Variants in STXBP5L observed in about 807,000 individuals in gnomAD.
The protein encoded by STXBP5L is syntaxin-binding protein 5-like.
In STXBP5L, 65 loss-of-function variants were observed where a neutral mutation model predicts 144.5. The ratio of observed to expected loss-of-function variants is 0.45; its 90% CI spans 0.37 to 0.55. The LOEUF is 0.55. Among genes scored for constraint, STXBP5L ranks in the 20% least tolerant of loss-of-function variants. The pLI is 0.00. For synonymous variants in STXBP5L, 505 were observed against 469.6 expected (o/e 1.08, Z -0.97); for missense variants, 1,298 against 1,405.5 (o/e 0.92, Z 1.22).
intron 2 of STXBP5L, among the ~76,000 whole-genome samples, chr3:120,932,567 A>G (rs1412362047): frequency 2.2e-5 from 3 of 137,906 alleles, no homozygotes; most frequent in East Asian, 4.0e-4. Flanking sequence ...CTGTTTATAA[A>G]AGCTATTATA....
intron 10 of STXBP5L, among the ~76,000 whole-genome samples, chr3:121,209,236 G>A (rs1479605874): frequency 6.6e-6 from 1 of 152,020 alleles, no homozygotes; most frequent in Non-Finnish European, 1.5e-5. Flanking sequence ...AAACATACAT[G>A]TGCATGTGTC....
intron 22 of STXBP5L, among the ~76,000 whole-genome samples, chr3:121,400,012 A>G (rs1446333845): frequency 6.6e-6 from 1 of 152,220 alleles, no homozygotes; most frequent in Admixed American, 6.5e-5. Context: ...AAGTTCCCAG[A>G]TGTGCTGAGT....
At chr3:121,106,339 A>G (rs1394012085) in intron 5 of STXBP5L, among the ~76,000 whole-genome samples, 2 of 152,240 alleles carry the variant, frequency 1.3e-5, no homozygotes, top group East Asian at 3.9e-4. Context: ...TGCTGCACCT[A>G]ACAAACCCAT....
chr3:121,202,056 C>T (rs575175123), intron 9 of STXBP5L, among the ~76,000 whole-genome samples: 13 of 152,062 alleles, frequency 8.5e-5, no homozygotes, highest in Non-Finnish European at 1.2e-4. Context: ...GTGCTCTGCT[C>T]TTCTTCTCCT....
chr3:121,356,145 T>C lies in STXBP5L; in HGVS notation c.2177-22571T>C, dbSNP rs147198599. 4.2e-3 allele frequency among the ~76,000 whole-genome samples: 647 copies of C among 152,336 alleles called. 5 individuals carry two copies. The highest frequency in any genetic ancestry group is 0.015 in the African/African-American group (617 of 41,576). ...GTGTCTGCCAGTTAGGCTGAACAGG[T>C]GTCAGCGACACACTTAGGAGGCAGC... On this transcript the variant is annotated intron_variant, in intron 20 of 26. Coordinates refer to ENST00000471454, the MANE Select transcript of STXBP5L (RefSeq NM_001308330.2).
At chr3:121,385,854 T>C (rs577089042) in intron 22 of STXBP5L, among the ~76,000 whole-genome samples, 1 of 152,276 alleles carries the variant, frequency 6.6e-6, no homozygotes, top group East Asian at 1.9e-4. Flanking sequence ...AACTAGTAAA[T>C]TAATTTATAT....
chr3:121,190,104 A>G (rs543086471), intron 9 of STXBP5L, among the ~76,000 whole-genome samples: 9 of 150,392 alleles, frequency 6.0e-5, no homozygotes, highest in African/African-American at 2.0e-4. Flanking sequence ...TGTTTCTCGG[A>G]GAGGGGGATT....
chr3:121,292,289 A>T (rs965586526), intron 19 of STXBP5L, among the ~76,000 whole-genome samples: 10 of 152,224 alleles, frequency 6.6e-5, no homozygotes, highest in African/African-American at 2.4e-4. Flanking sequence ...CAAACACGTA[A>T]AAATGCTTAT....
At chr3:121,028,010 G>T (rs542732353) in intron 3 of STXBP5L, among the ~76,000 whole-genome samples, 1 of 152,114 alleles carries the variant, frequency 6.6e-6, no homozygotes, top group East Asian at 1.9e-4. Context: ...ATGCAATAGG[G>T]CCAGAAATAA....
intron 22 of STXBP5L, among the ~76,000 whole-genome samples, chr3:121,391,716 CTGCAGAACAGCAAATAT>C (rs1168101873): frequency 3.3e-5 from 5 of 152,362 alleles, no homozygotes; most frequent in African/African-American, 9.6e-5. Flanking sequence ...CCAGCAGAAG[CTGCAGAACAGCAAATAT>C]TGCAGAACAG....
intron 2 of STXBP5L, among the ~76,000 whole-genome samples, chr3:120,929,884 G>GT (rs939433800): frequency 2.9e-4 from 43 of 150,808 alleles, no homozygotes; most frequent in Non-Finnish European, 4.6e-4. Context: ...AGTCAGTTGA[G>GT]TTTTTTTTTA....
At chr3:121,096,567 T>A (rs1417232998) in intron 5 of STXBP5L, among the ~76,000 whole-genome samples, 1 of 152,170 alleles carries the variant, frequency 6.6e-6, no homozygotes, top group Non-Finnish European at 1.5e-5. Context: ...CGTTTCTGTT[T>A]GTTAGTTTTT....
At chr3:120,971,892 A>G (rs1158020238) in intron 3 of STXBP5L, among the ~76,000 whole-genome samples, 1 of 152,038 alleles carries the variant, frequency 6.6e-6, no homozygotes, top group African/African-American at 2.4e-5. Flanking sequence ...ACAGAAGTGT[A>G]TATGACTGTT....
At chr3:121,115,823 AG>A (rs2044208842) in intron 6 of STXBP5L, among the ~76,000 whole-genome samples, 2 of 152,152 alleles carry the variant, frequency 1.3e-5, no homozygotes, top group African/African-American at 4.8e-5. Context: ...TAATGAAAGC[AG>A]GAGCAAGAGG....
At chr3:121,037,541 T>G (rs1272084968) in intron 3 of STXBP5L, among the ~76,000 whole-genome samples, 4 of 152,126 alleles carry the variant, frequency 2.6e-5, no homozygotes, top group Admixed American at 2.0e-4. Flanking sequence ...TTTTATATGT[T>G]GTTGTATTAA....
intron 5 of STXBP5L, among the ~76,000 whole-genome samples, chr3:121,097,798 T>C (rs1474309930): frequency 6.6e-6 from 1 of 152,202 alleles, no homozygotes; most frequent in Non-Finnish European, 1.5e-5. Context: ...CCAGTATTTT[T>C]TAAGCTTGTT....
At chr3:120,974,861 G>A (rs540814106) in intron 3 of STXBP5L, among the ~76,000 whole-genome samples, 100 of 152,124 alleles carry the variant, frequency 6.6e-4, no homozygotes, top group Non-Finnish European at 9.7e-4. Context: ...GTAGATATGC[G>A]GTGTTATTTC....
At chr3:121,345,217 A>T (rs771059122) in intron 20 of STXBP5L, among the ~76,000 whole-genome samples, 1 of 151,880 alleles carries the variant, frequency 6.6e-6, no homozygotes, top group Non-Finnish European at 1.5e-5. Context: ...TATCCAAGTG[A>T]TCTCATTGTT....
chr3:121,224,093 G>C (rs899318581), intron 11 of STXBP5L, among the ~76,000 whole-genome samples: 5 of 152,066 alleles, frequency 3.3e-5, no homozygotes, highest in African/African-American at 9.7e-5. Context: ...ACTGGACTTG[G>C]GGACAGAATA....
Sources: gnomAD v4.1 joint callset for allele counts (sites outside exome capture counted in the v4.1 genomes callset) on GRCh38, gnomAD v4.1.1 for gene constraint, MANE v1.5 for transcripts, NCBI Gene and HGNC (gene_info 2026-07-23, HGNC 2026-07-21) for gene names.